The following RHBDD1 variants were observed in gnomAD, a reference collection of about 807,000 sequenced individuals.
RHBDD1 encodes rhomboid-related protein 4.
In RHBDD1, 38 loss-of-function variants were observed where a neutral mutation model predicts 36.3. The ratio of observed to expected loss-of-function variants is 1.05; its 90% CI spans 0.81 to 1.37. The LOEUF (loss-of-function observed/expected upper bound fraction) is 1.37, where lower values mean the gene tolerates loss of function less well. Ranked by LOEUF, RHBDD1 falls within the 40% of genes most tolerant of loss-of-function variation. The probability of loss-of-function intolerance (pLI) is 0.00; values close to 1 mark genes in which losing one functional copy is unlikely to be tolerated. For missense variants in RHBDD1, 393 were observed against 377.6 expected, an observed-to-expected ratio of 1.04 and a Z score of -0.34; for synonymous variants, 151 against 136.5, an observed-to-expected ratio of 1.11 and a Z score of -0.74.
At chr2:226,993,558 AAGAG>A (rs1039089473) in intron 8 of RHBDD1, among the ~76,000 whole-genome samples, 10 of 152,230 alleles carry the variant, frequency 6.6e-5, no homozygotes, top group African/African-American at 1.2e-4. Flanking sequence ...ATTTTGAACA[AAGAG>A]AGATTCCTTT....
chr2:226,818,158 T>C, the RHBDD1 span, among the ~76,000 whole-genome samples: 1 of 129,148 alleles, frequency 7.7e-6, no homozygotes, highest in East Asian at 2.0e-4. Context: ...CAGTATTTTT[T>C]TTTTTTTTTT....
intron 8 of RHBDD1, among the ~76,000 whole-genome samples, chr2:226,949,311 A>T (rs1231091276): frequency 6.6e-6 from 1 of 152,216 alleles, no homozygotes; most frequent in African/African-American, 2.4e-5. Flanking sequence ...CTGTATAGCC[A>T]AGACAATCCT....
chr2:226,958,702 CTGTGTGTGTGTGTGTG>C lies in RHBDD1; in HGVS notation c.857-36701_857-36686del, dbSNP rs10666758. On this transcript the variant is annotated intron_variant, in intron 8 of 8. Transcript: ENST00000392062. ...TTTGAGTTTAGGATGAAGGATTTTT[CTGTGTGTGTGTGTGTG>C]TGTGTGTGTGTGTGTGTGTGTGTGT... Among the ~76,000 whole-genome samples, 303 of 138,932 alleles carry C rather than the reference CTGTGTGTGTGTGTGTG, an allele frequency of 2.2e-3. 2 individuals carry two copies. Among genetic ancestry groups the C allele is most frequent in the Middle Eastern group, 7.2e-3 (2 of 278 alleles). The allele number at this position is 138,932 out of a possible 152,430, so 91.1% of individuals were successfully genotyped here.
intron 8 of RHBDD1, among the ~76,000 whole-genome samples, chr2:226,929,614 A>G (rs1949890418): frequency 6.6e-6 from 1 of 152,112 alleles, no homozygotes; most frequent in African/African-American, 2.4e-5. Flanking sequence ...GCCCGCTTTC[A>G]CCACTCTATT....
At chr2:226,811,269 C>A in the RHBDD1 span, among the ~76,000 whole-genome samples, 1 of 151,892 alleles carries the variant, frequency 6.6e-6, no homozygotes, top group Admixed American at 6.6e-5. Flanking sequence ...TTTAGTCATG[C>A]AGGTGGGGAA....
At chr2:226,865,942 A>G (rs944887592) in intron 4 of RHBDD1, among the ~76,000 whole-genome samples, 9 of 152,240 alleles carry the variant, frequency 5.9e-5, no homozygotes, top group African/African-American at 2.2e-4. Context: ...TCGTTAATAA[A>G]TGGACCACAC....
intron 5 of RHBDD1, among the ~76,000 whole-genome samples, chr2:226,885,863 A>G (rs916910117): frequency 1.3e-5 from 2 of 152,174 alleles, no homozygotes; most frequent in African/African-American, 4.8e-5. Context: ...AACAATATAT[A>G]TGCTGGGTTT....
At position 226,852,135 on chromosome 2, in the gene RHBDD1, A is replaced by G. The variant is rs555356848; in HGVS notation, c.-90-12469A>G. 3.3e-5 allele frequency among the ~76,000 whole-genome samples: 5 copies of G among 152,266 alleles called. No homozygotes were observed. In the South Asian group the frequency reaches 1.0e-3, roughly 32 times the overall value. ...TCTTGAATTTTGTTGAATCCGTAGG[A>G]TAGAACTGATGATCAAGTCCTAACT... On this transcript the variant is annotated intron_variant, in intron 3 of 8. Transcript: ENST00000392062.
In RHBDD1 at chr2:226,976,923, A is replaced by G. The variant is rs369280501; in HGVS notation, c.857-18508A>G. 7.2e-5 allele frequency among the ~76,000 whole-genome samples: 11 copies of G among 152,296 alleles called. No individual in the cohort carries two copies. In the East Asian group the frequency reaches 1.9e-3, roughly 27 times the overall value. ...TTATTTTGACCCCCTCCTCCCATTG[A>G]AAGAGCCATTATCTATTTCTTAGAG... On this transcript the variant is annotated intron_variant, in intron 8 of 8. Coordinates refer to ENST00000392062, the MANE Select transcript of RHBDD1 (RefSeq NM_001167608.3).
chr2:226,972,544 G>A (rs1953742683), intron 8 of RHBDD1, among the ~76,000 whole-genome samples: 1 of 152,186 alleles, frequency 6.6e-6, no homozygotes, highest in Non-Finnish European at 1.5e-5. Context: ...TGGCACCAGG[G>A]CAGACGTGGG....
intron 3 of RHBDD1, among the ~76,000 whole-genome samples, chr2:226,854,330 C>A (rs1255864277): frequency 6.6e-6 from 1 of 152,064 alleles, no homozygotes; most frequent in African/African-American, 2.4e-5. Context: ...TGGTGGCTCA[C>A]ACCTGTAATC....
At chr2:226,905,410 T>C (rs1370170049) in intron 5 of RHBDD1, among the ~76,000 whole-genome samples, 2 of 152,150 alleles carry the variant, frequency 1.3e-5, no homozygotes, top group Non-Finnish European at 2.9e-5. Context: ...GCTTAGCCTA[T>C]GGTCAGAGAG....
At chr2:226,920,271 A>G (rs1949218632) in intron 8 of RHBDD1, among the ~76,000 whole-genome samples, 1 of 151,972 alleles carries the variant, frequency 6.6e-6, no homozygotes, top group African/African-American at 2.4e-5. Context: ...CTGAATTTAT[A>G]TATCACTTTT....
intron 8 of RHBDD1, among the ~76,000 whole-genome samples, chr2:226,958,773 C>T (rs891777286): frequency 9.4e-5 from 14 of 149,710 alleles, no homozygotes; most frequent in African/African-American, 2.7e-4. Flanking sequence ...ATTTTAAAGA[C>T]GCCAGGTTCT....
intron 3 of RHBDD1, among the ~76,000 whole-genome samples, chr2:226,845,945 G>A (rs1005009720): frequency 6.6e-6 from 1 of 152,144 alleles, no homozygotes; most frequent in African/African-American, 2.4e-5. Flanking sequence ...GTAACTGACA[G>A]TTAGTAGTTT....
At chr2:226,854,982 T>C (rs935332531) in intron 3 of RHBDD1, among the ~76,000 whole-genome samples, 2 of 152,220 alleles carry the variant, frequency 1.3e-5, no homozygotes, top group African/African-American at 2.4e-5. Flanking sequence ...CTTATCTGTC[T>C]AGAACATTCT....
At chr2:226,985,251 T>G (rs933673254) in intron 8 of RHBDD1, among the ~76,000 whole-genome samples, 1 of 152,208 alleles carries the variant, frequency 6.6e-6, no homozygotes, top group Non-Finnish European at 1.5e-5. Flanking sequence ...TATCCATATC[T>G]GTATCTATAT....
intron 4 of RHBDD1, among the ~76,000 whole-genome samples, 162 bp from the exon 5 acceptor site, chr2:226,867,024 T>C (rs1438993559): frequency 6.6e-6 from 1 of 152,232 alleles, no homozygotes; most frequent in Non-Finnish European, 1.5e-5. Context: ...TTTAACGTTG[T>C]CTTTTTACCA....
chr2:226,820,652 A>G, the RHBDD1 span, among the ~76,000 whole-genome samples: 5 of 146,436 alleles, frequency 3.4e-5, no homozygotes, highest in East Asian at 3.9e-4. Context: ...CACAAAAAAA[A>G]AAAAAAAAAA....
Sources: allele counts gnomAD v4.1 joint callset (sites outside exome capture counted in the v4.1 genomes callset), GRCh38; gene constraint gnomAD v4.1.1; transcripts MANE v1.5; gene names NCBI Gene and HGNC (gene_info 2026-07-23, HGNC 2026-07-21).